ADGRL2: variants seen among roughly 807,000 people sequenced by gnomAD.
The protein encoded by ADGRL2 is adhesion G protein-coupled receptor L2.
ADGRL2 carries 44 observed loss-of-function variants against 157.4 expected under a neutral mutation model. The observed-to-expected ratio is 0.28, with a 90% confidence interval of 0.22 to 0.36. The LOEUF is 0.36. Ranked by LOEUF, ADGRL2 falls within the 10% of genes least tolerant of loss-of-function variation. The pLI, the probability that ADGRL2 is intolerant of heterozygous loss-of-function variation, is 1.00. For missense variants in ADGRL2, 1,510 were observed against 1,768.9 expected (o/e 0.85, Z 2.63); for synonymous variants, 585 against 624.7 (o/e 0.94, Z 0.95).
chr1:81,895,975 T>A (rs922845907), intron 2 of ADGRL2, among the ~76,000 whole-genome samples: 4 of 152,132 alleles, frequency 2.6e-5, no homozygotes, highest in African/African-American at 4.8e-5. Flanking sequence ...CATTTCTGCA[T>A]TTTTGCTTCT....
intron 1 of ADGRL2, among the ~76,000 whole-genome samples, chr1:81,701,367 TAA>T (rs946672178): frequency 1.2e-4 from 19 of 152,182 alleles, no homozygotes; most frequent in South Asian, 2.1e-4. Flanking sequence ...TCAAACAATA[TAA>T]GTTTATGATT....
At chr1:81,400,020 A>G (rs2076723999) in intron 1 of ADGRL2, among the ~76,000 whole-genome samples, 1 of 152,030 alleles carries the variant, frequency 6.6e-6, no homozygotes, top group Non-Finnish European at 1.5e-5. Flanking sequence ...CCAGGTAGAC[A>G]GAACGGTGTT....
intron 2 of ADGRL2, among the ~76,000 whole-genome samples, chr1:81,898,959 G>A (rs905966431): frequency 4.6e-5 from 7 of 152,070 alleles, no homozygotes; most frequent in African/African-American, 1.2e-4. Flanking sequence ...GTTTCAGCAC[G>A]GCGTAGAGTC....
chr1:81,622,397 G>A (rs959003695), intron 3 of ADGRL2, among the ~76,000 whole-genome samples: 11 of 151,784 alleles, frequency 7.2e-5, no homozygotes, highest in South Asian at 2.1e-4. Flanking sequence ...CCTGGCCAAC[G>A]TGGTGAAACC....
upstream of ADGRL2, among the ~76,000 whole-genome samples, chr1:81,798,063 AATTG>A (rs1378943745): frequency 1.3e-5 from 2 of 152,206 alleles, no homozygotes; most frequent in East Asian, 3.8e-4. Flanking sequence ...TGAGTAATTA[AATTG>A]ATTGGATTGC....
At position 81,902,278 on chromosome 1, in the gene ADGRL2, T is replaced by C. The variant is rs576942827; in HGVS notation, c.74-4739T>C. On this transcript the variant is annotated intron_variant, in intron 2 of 23. Coordinates refer to ENST00000686636, the MANE Select transcript of ADGRL2 (RefSeq NM_001366006.2). Reference sequence around the variant, plus strand: ...GTAGCAGGTATTAAGAGAGAATAGATTGGAAATATTTCTTACCATATTTAA... The same window carrying C: ...GTAGCAGGTATTAAGAGAGAATAGACTGGAAATATTTCTTACCATATTTAA... 4.6e-5 allele frequency among the ~76,000 whole-genome samples: 7 copies of C among 152,172 alleles called. No homozygotes were observed. In the East Asian group the frequency reaches 1.4e-3, roughly 29 times the overall value.
Position 81,638,919 on chromosome 1 carries a change from G to A in ADGRL2, c.-143+57939G>A, listed in dbSNP as rs139956179. ...CCTGGGGAGCTGAGGTGAGAGGATC[G>A]CTTGAGCCCAGGAGTTCAAGGCAGC... is the stretch of plus-strand genomic sequence containing the variant. On this transcript the variant is annotated intron_variant, in intron 3 of 24. Coordinates refer to the ADGRL2 transcript ENST00000370721. Among the ~76,000 whole-genome samples the A allele has an allele frequency of 4.9e-3, 747 of 152,262 alleles. 2 individuals are homozygous for A. The highest frequency in any genetic ancestry group is 8.7e-3 in the Non-Finnish European group (595 of 68,016).
upstream of ADGRL2, among the ~76,000 whole-genome samples, chr1:81,796,584 AC>A (rs1250689896): frequency 6.6e-6 from 1 of 152,172 alleles, no homozygotes; most frequent in Non-Finnish European, 1.5e-5. Flanking sequence ...AAATTTGCTT[AC>A]TTTTGAGTAT....
chr1:81,740,114 C>T (rs2085026201), intron 1 of ADGRL2, among the ~76,000 whole-genome samples: 1 of 152,144 alleles, frequency 6.6e-6, no homozygotes, highest in Admixed American at 6.6e-5. Flanking sequence ...TGTTAGCCCA[C>T]ATCTGGGAAA....
chr1:81,815,117 C>A (rs776474513), intron 1 of ADGRL2, among the ~76,000 whole-genome samples: 1 of 151,610 alleles, frequency 6.6e-6, no homozygotes, highest in African/African-American at 2.4e-5. Context: ...AGGGAAAAAA[C>A]CCATTTGTTA....
At chr1:81,463,650 T>C (rs935358627) in intron 2 of ADGRL2, among the ~76,000 whole-genome samples, 10 of 152,150 alleles carry the variant, frequency 6.6e-5, no homozygotes, top group Admixed American at 1.3e-4. Flanking sequence ...GGATTCTCTT[T>C]TTGTGAGATA....
intron 3 of ADGRL2, 119 bp downstream of exon 3, chr1:81,907,349 T>G: frequency 1.2e-6 from 1 of 802,274 alleles, no homozygotes; most frequent in African/African-American, 1.7e-5. Flanking sequence ...TTAAACTGAG[T>G]TGGGTTTTTA....
intron 1 of ADGRL2, among the ~76,000 whole-genome samples, chr1:81,364,038 G>A (rs1276395332): frequency 6.6e-6 from 1 of 152,078 alleles, no homozygotes; most frequent in East Asian, 1.9e-4. Flanking sequence ...TTGTGAGGAA[G>A]AATAAATTTT....
At chr1:81,493,835 C>T (rs895926897) in intron 2 of ADGRL2, among the ~76,000 whole-genome samples, 7 of 152,050 alleles carry the variant, frequency 4.6e-5, no homozygotes, top group South Asian at 4.1e-4. Flanking sequence ...GATCAGTAGA[C>T]GCTATACACT....
chr1:81,692,878 T>A (rs940642580), intron 3 of ADGRL2, among the ~76,000 whole-genome samples: 16 of 152,312 alleles, frequency 1.1e-4, no homozygotes, highest in Admixed American at 2.6e-4. Context: ...TACCACTGGA[T>A]GACACTGGGC....
At chr1:81,438,727 A>T (rs1453569810) in intron 1 of ADGRL2, among the ~76,000 whole-genome samples, 2 of 152,206 alleles carry the variant, frequency 1.3e-5, no homozygotes. Context: ...CTTTTGGCTC[A>T]ATTAGTAGCT....
At chr1:81,763,443 G>A (rs1040997221) in intron 2 of ADGRL2, among the ~76,000 whole-genome samples, 1 of 151,778 alleles carries the variant, frequency 6.6e-6, no homozygotes, top group Non-Finnish European at 1.5e-5. Flanking sequence ...AAATTAGCTA[G>A]CTGGGTATGG....
chr1:81,850,641 C>T (rs549131372), intron 2 of ADGRL2, among the ~76,000 whole-genome samples: 18 of 151,904 alleles, frequency 1.2e-4, no homozygotes, highest in African/African-American at 3.9e-4. Flanking sequence ...AGCTAGTAAC[C>T]TTTAGGAGGC....
chr1:81,618,068 T>C (rs988928700), intron 3 of ADGRL2, among the ~76,000 whole-genome samples: 3 of 152,094 alleles, frequency 2.0e-5, no homozygotes, highest in African/African-American at 7.2e-5. Context: ...GTTGGGTTTT[T>C]TTTTTCCTTC....
Sources: gnomAD v4.1 joint callset for allele counts (sites outside exome capture counted in the v4.1 genomes callset) on GRCh38, gnomAD v4.1.1 for gene constraint, MANE v1.5 for transcripts, NCBI Gene and HGNC (gene_info 2026-07-23, HGNC 2026-07-21) for gene names.